RECK: variants seen among roughly 807,000 people sequenced by gnomAD.
RECK encodes reversion-inducing cysteine-rich protein with Kazal motifs.
A neutral mutation model predicts 115.1 loss-of-function variants in RECK; 69 were observed. The ratio of observed to expected loss-of-function variants is 0.60; its 90% CI spans 0.49 to 0.73. RECK has a LOEUF of 0.73. RECK is among the 30% of genes least tolerant of loss of function. RECK has a pLI of 0.00. For synonymous variants in RECK, 414 were observed against 419.7 expected (o/e 0.99, Z 0.17); for missense variants, 1,047 against 1,203.7 (o/e 0.87, Z 1.93).
intron 10 of RECK, 73 bp downstream of exon 10, chr9:36,091,416 T>G: frequency 1.8e-6 from 2 of 1,106,510 alleles, no homozygotes; most frequent in East Asian, 5.8e-5. Flanking sequence ...ACCACTTTAT[T>G]CTGATTTTAT....
chr9:36,118,292 T>C (rs906276782), intron 17 of RECK, among the ~76,000 whole-genome samples: 5 of 152,192 alleles, frequency 3.3e-5, no homozygotes, highest in African/African-American at 7.2e-5. Flanking sequence ...GATCTATTCC[T>C]GACCTACCTG....
intron 17 of RECK, among the ~76,000 whole-genome samples, chr9:36,118,337 C>T (rs995597857): frequency 1.3e-5 from 2 of 152,310 alleles, no homozygotes; most frequent in East Asian, 1.9e-4. Flanking sequence ...ACTGCTCCCC[C>T]AACTCCTCCC....
chr9:36,100,037 T>C (rs934405115), intron 10 of RECK, among the ~76,000 whole-genome samples: 1 of 152,232 alleles, frequency 6.6e-6, no homozygotes, highest in African/African-American at 2.4e-5. Context: ...CCTCATAATA[T>C]TTATTTTATG....
At chr9:36,038,040 G>C (rs1327304247) in intron 1 of RECK, among the ~76,000 whole-genome samples, 1 of 150,334 alleles carries the variant, frequency 6.7e-6, no homozygotes, top group Non-Finnish European at 1.5e-5. Context: ...AGCCGGGTGC[G>C]GTAGGCTCTC....
intron 16 of RECK, 42 bp from the exon 17 acceptor site, chr9:36,116,943 C>G: frequency 6.5e-7 from 1 of 1,536,528 alleles, no homozygotes; most frequent in Admixed American, 1.8e-5. Context: ...CACCACAGTC[C>G]CTCCCTACAT....
At chr9:36,091,447 G>A (rs994589223) in intron 10 of RECK, 104 bp downstream of exon 10, 2 of 899,368 alleles carry the variant, frequency 2.2e-6, no homozygotes, top group African/African-American at 3.5e-5. Context: ...TTAAAAGAAA[G>A]TCTTCTTTAT....
At position 36,087,794 on chromosome 9, in the gene RECK, C is replaced by T; in HGVS notation, c.738C>T (p.Leu246=). ...CGGAAATGGAGATTGTTGATGGTCT[C>T]ATCGAGGGTTGTAAGACCCAGCCCT... ...KKTEMEIVDG[L]IEGCKTQPLP... is the part of the protein sequence containing the mutation. The change falls in exon 9 of 21, where the codon CTC becomes CTT. Residue 246 remains leucine (L), a synonymous_variant. Coordinates refer to ENST00000377966, the MANE Select transcript of RECK (RefSeq NM_021111.3). 6.2e-7 allele frequency: 1 copy of T among 1,614,008 alleles called. No homozygotes were observed. The highest frequency in any genetic ancestry group is 8.5e-7 in the Non-Finnish European group (1 of 1,179,898).
intron 1 of RECK, among the ~76,000 whole-genome samples, chr9:36,048,036 C>A (rs1030077951): frequency 2.7e-5 from 4 of 149,556 alleles, no homozygotes; most frequent in African/African-American, 9.9e-5. Context: ...AAAAAAAGTT[C>A]TACTTTTATC....
At position 36,123,119 on chromosome 9, in the gene RECK, T is replaced by A. The variant is rs1316120521; in HGVS notation, c.*74T>A. ...GAAAAAGACATTCAGGACTGCTGGT[T>A]TGTAGTTGAATATTGGCCAAGGAAA... On this transcript the variant is annotated 3_prime_UTR_variant, in exon 21 of 21. Transcript: ENST00000377966. 6 of 1,236,422 alleles carry A rather than the reference T, an allele frequency of 4.9e-6. No individual in the cohort carries two copies. The highest frequency in any genetic ancestry group is 6.8e-6 in the Non-Finnish European group (6 of 877,092). 76.6% of individuals were successfully genotyped at this position (1,236,422 alleles called of 1,614,324 possible).
chr9:36,057,030 G>A lies in RECK; in HGVS notation c.160-1797G>A. 5.1e-6 allele frequency: 5 copies of A among 984,506 alleles called. No homozygotes were observed. The South Asian group carries it at 1.9e-4, about 37-fold the overall frequency. 61.0% of individuals were successfully genotyped at this position (984,506 alleles called of 1,614,324 possible). A position where few individuals can be genotyped will look rare whatever the true frequency, so the allele number is the denominator to read the frequency against. On this transcript the variant is annotated intron_variant, in intron 2 of 20. Transcript: ENST00000377966. ...TATTTGCAGGTAATCATGAAGGTCT[G>A]TCTGATATGTGTAATGATTTATTAT...
intron 10 of RECK, among the ~76,000 whole-genome samples, chr9:36,099,960 C>A (rs377130995): frequency 4.6e-5 from 7 of 152,132 alleles, no homozygotes; most frequent in African/African-American, 1.4e-4. Flanking sequence ...TCAAAGCACA[C>A]CAAGCTGTAC....
At chr9:36,106,327 T>C (rs1381303074) in intron 13 of RECK, among the ~76,000 whole-genome samples, 1 of 150,908 alleles carries the variant, frequency 6.6e-6, no homozygotes, top group Non-Finnish European at 1.5e-5. Context: ...CTCTACCTCC[T>C]GGGCTCAAGC....
chr9:36,105,097 C>T, intron 12 of RECK, 46 bp from the exon 13 acceptor site: 1 of 1,539,492 alleles, frequency 6.5e-7, no homozygotes, highest in African/African-American at 1.4e-5. Context: ...ACAGTTTTCT[C>T]TTACTCTTTT....
At chr9:36,069,327 G>A (rs978823082) in intron 6 of RECK, among the ~76,000 whole-genome samples, 4 of 151,864 alleles carry the variant, frequency 2.6e-5, no homozygotes, top group Admixed American at 6.6e-5. Flanking sequence ...ATCACCTGAC[G>A]TCAGGAGTTT....
Position 36,100,346 on chromosome 9 carries a change from C to T in RECK, c.1101C>T (p.Phe367=), listed in dbSNP as rs759480990. 1.2e-6 allele frequency: 2 copies of T among 1,613,898 alleles called. No homozygotes were observed. Among genetic ancestry groups the T allele is most frequent in the Non-Finnish European group, 8.5e-7 (1 of 1,179,898 alleles). The change falls in exon 11 of 21, where the codon TTC becomes TTT. Residue 367 remains phenylalanine, a synonymous_variant. Transcript: ENST00000377966. ...TNFNNRPTEL[F]RSCNAQSDQG... is the part of the protein sequence containing the mutation. ...TTCTCTTTAGGCCAACAGAACTTTT[C>T]AGGAGTTGTAATGCACAGTCAGATC...
Position 36,060,162 on chromosome 9 carries a change from A to C in RECK, c.271+7A>C. The C allele has an allele frequency of 1.2e-6, 2 of 1,613,022 alleles. No individual in the cohort carries two copies. Among genetic ancestry groups the C allele is most frequent in the Non-Finnish European group, 8.5e-7 (1 of 1,179,256 alleles). On this transcript the variant is annotated splice_region_variant and intron_variant, in intron 4 of 20. Transcript: ENST00000377966. ...ATGAATTCATCTTTGCCAGGTAAGCAATAAAAGTGTAACATTTAGCACTTA... is the reference window on the plus strand; with the variant it reads ...ATGAATTCATCTTTGCCAGGTAAGCCATAAAAGTGTAACATTTAGCACTTA...
Position 36,122,952 on chromosome 9 carries a change from ATC to A in RECK, c.2824_2825del (p.Ser942GlyfsTer29). 1 of 1,614,182 alleles carries A rather than the reference ATC, an allele frequency of 6.2e-7. No individual in the cohort carries two copies. The highest frequency in any genetic ancestry group is 8.5e-7 in the Non-Finnish European group (1 of 1,180,036). Reference protein sequence around the residue: ...SQVQVSSSVPSAGVRARPSCH... With the variant: ...SQVQVSSSVPXAGVRARPSCH... ...AGGTACAGGTCTCCAGCAGTGTGCC[ATC>A]GGCCGGTGTCAGGGCCAGGCCTTCT... On this transcript the variant is annotated frameshift_variant, in exon 21 of 21. Coordinates refer to ENST00000377966, the MANE Select transcript of RECK (RefSeq NM_021111.3). LOFTEE classifies it low-confidence loss of function (END_TRUNC).
At chr9:36,070,170 A>G (rs1435519951) in intron 6 of RECK, among the ~76,000 whole-genome samples, 1 of 152,228 alleles carries the variant, frequency 6.6e-6, no homozygotes, top group Non-Finnish European at 1.5e-5. Context: ...GTAAATTAGG[A>G]CACAGATTTT....
chr9:36,077,831 C>T (rs1822508920), intron 6 of RECK, among the ~76,000 whole-genome samples: 1 of 152,086 alleles, frequency 6.6e-6, no homozygotes, highest in African/African-American at 2.4e-5. Context: ...TGTAAGGGGC[C>T]AGACAGCAAA....
Sources: allele counts gnomAD v4.1 joint callset (sites outside exome capture counted in the v4.1 genomes callset), GRCh38; gene constraint gnomAD v4.1.1; transcripts MANE v1.5; gene names NCBI Gene and HGNC (gene_info 2026-07-23, HGNC 2026-07-21).